Variants in TNC observed in about 807,000 individuals in gnomAD.
The protein encoded by TNC is tenascin C.
In TNC, 109 loss-of-function variants were observed where a neutral mutation model predicts 202.4. That is an observed-to-expected ratio of 0.54 (90% CI 0.46 to 0.63). The LOEUF is 0.63. Among genes scored for constraint, TNC ranks in the 30% least tolerant of loss-of-function variants. The probability of loss-of-function intolerance (pLI) is 0.00; values close to 1 mark genes in which losing one functional copy is unlikely to be tolerated. For synonymous variants in TNC, 1,007 were observed against 1,089.7 expected (o/e 0.92, Z 1.50); for missense variants, 2,756 against 2,833.3 (o/e 0.97, Z 0.62).
rs756967021 is a variant in TNC, at chr9:115,085,957, G to T, written c.1774C>A (p.His592Asn). Reference protein sequence around the residue: ...EGFTGLDCGQHSCPSDCNNLG... With the variant: ...EGFTGLDCGQNSCPSDCNNLG... ...TTGTTGCAGTCACTGGGGCAGGAGT[G>T]CTGGCCACAGTCCAGGCCTGTGAAG... The change falls in exon 3 of 28, where the codon CAC (histidine) becomes AAC (asparagine). Residue 592 changes from histidine to asparagine, a missense_variant. This residue lies in a region of TNC where 2,559 missense variants were observed against 2,546.0 expected (regional missense o/e 1.01). Transcript: ENST00000350763. 1 of 1,613,984 alleles carries T rather than the reference G, an allele frequency of 6.2e-7. No homozygotes were observed. The highest frequency in any genetic ancestry group is 1.7e-5 in the Admixed American group (1 of 60,014).
chr9:115,110,417 GGTTGCTGGGGGCCAGTGGGAAAGCT>G (rs141013456), intron 1 of TNC, among the ~76,000 whole-genome samples: 2,228 of 152,146 alleles, frequency 0.015, 48 homozygotes, highest in African/African-American at 0.051. Context: ...GGGAAGGCTG[GGTTGCTGGGGGCCAGTGGGAAAGCT>G]GTTGCAGTGG....
intron 18 of TNC, 146 bp from the exon 19 acceptor site, chr9:115,041,230 C>A: frequency 1.0e-6 from 1 of 965,506 alleles, no homozygotes; most frequent in Non-Finnish European, 1.5e-6. Context: ...TGCTCCTACC[C>A]TCTGGCATAA....
chr9:115,061,966 T>C (rs1832577943), intron 13 of TNC, among the ~76,000 whole-genome samples: 1 of 152,212 alleles, frequency 6.6e-6, no homozygotes, highest in African/African-American at 2.4e-5. Flanking sequence ...GAGTCCTAGA[T>C]AGTTTCAGCA....
intron 1 of TNC, among the ~76,000 whole-genome samples, chr9:115,113,807 G>A (rs191355238): frequency 5.9e-5 from 9 of 152,268 alleles, no homozygotes; most frequent in Admixed American, 5.2e-4. Context: ...TTCCGTTCGC[G>A]ATCTGCTTTT....
chr9:115,031,179 G>T (rs144427412), intron 23 of TNC, among the ~76,000 whole-genome samples: 2 of 152,310 alleles, frequency 1.3e-5, no homozygotes, highest in East Asian at 3.9e-4. Flanking sequence ...AATTATATGG[G>T]CCACATACTG....
rs149828764 is a variant in TNC, at chr9:115,046,564, G to T, written c.4971C>A (p.Thr1657=). ...TTTCCAGTGGCTCAGACTGCTTTTTGGTATCTCTGATTTTGAGAACAAAAT... is the reference window on the plus strand; with the variant it reads ...TTTCCAGTGGCTCAGACTGCTTTTTTGTATCTCTGATTTTGAGAACAAAAT... The part of the protein sequence containing the change: ...FDNFVLKIRD[T]KKQSEPLEIT... The change falls in exon 17 of 28, where the codon ACC becomes ACA. Residue 1657 remains threonine (T), a synonymous_variant. Transcript: ENST00000350763. The T allele has an allele frequency of 1.4e-4, 223 of 1,613,912 alleles. No homozygotes were observed. The highest frequency in any genetic ancestry group is 1.8e-4 in the Non-Finnish European group (213 of 1,179,996).
At chr9:115,085,035 T>C (rs1177811039) in intron 3 of TNC, among the ~76,000 whole-genome samples, 1 of 152,134 alleles carries the variant, frequency 6.6e-6, no homozygotes, top group Non-Finnish European at 1.5e-5. Context: ...TAGATACCAA[T>C]AACTTTAGTA....
intron 9 of TNC, among the ~76,000 whole-genome samples, chr9:115,075,098 A>G (rs1833741630): frequency 6.6e-6 from 1 of 152,126 alleles, no homozygotes; most frequent in South Asian, 2.1e-4. Context: ...CTCTTTACAC[A>G]CTAGCCTCCT....
At chr9:115,112,707 T>C (rs534456630) in intron 1 of TNC, 1 of 152,592 alleles carries the variant, frequency 6.6e-6, no homozygotes, top group South Asian at 2.1e-4. Flanking sequence ...GTGCTAATGG[T>C]GCGTCTGCCC....
intron 26 of TNC, 99 bp from the exon 27 acceptor site, chr9:115,024,235 G>C: frequency 7.7e-7 from 1 of 1,291,438 alleles, no homozygotes; most frequent in Non-Finnish European, 1.1e-6. Flanking sequence ...AAAGGTTCTG[G>C]GTGTGGGACT....
chr9:115,064,917 G>T lies in TNC; in HGVS notation c.3217C>A (p.Gln1073Lys), dbSNP rs201641513. Reference sequence around the variant, plus strand: ...GTGAGGTTTTCCAGCTCAGGGGCTTGTTCTGAATAATGACAGAGATGGGGT... The same window carrying T: ...GTGAGGTTTTCCAGCTCAGGGGCTTTTTCTGAATAATGACAGAGATGGGGT... The part of the protein sequence containing the change: ...KPARVKASTE[Q>K]APELENLTVT... Residue 1073 changes from glutamine to lysine, a missense_variant and splice_region_variant, in exon 11 of 28, where the codon CAA becomes AAA. Physicochemically the swap from Gln to Lys is moderately conservative, Grantham distance 53. Around this residue, in one of 2 missense-constraint regions of TNC, gnomAD observed 2,559 missense variants for 2,546.0 expected, o/e 1.01. Transcript: ENST00000350763. The T allele has an allele frequency of 6.7e-5, 108 of 1,612,756 alleles. No individual in the cohort carries two copies. The highest frequency in any genetic ancestry group is 4.9e-4 in the Middle Eastern group (3 of 6,062).
chr9:115,047,718 G>C (rs150073524), intron 16 of TNC, among the ~76,000 whole-genome samples: 13 of 152,258 alleles, frequency 8.5e-5, no homozygotes, highest in African/African-American at 3.1e-4. Flanking sequence ...GTTAATTTCT[G>C]TAGGAATCAT....
chr9:115,031,773 T>A, intron 22 of TNC, 88 bp from the exon 23 acceptor site: 1 of 1,511,684 alleles, frequency 6.6e-7, no homozygotes, highest in Non-Finnish European at 8.9e-7. Context: ...TAAGTTCATT[T>A]ACCCATCCAT....
intron 1 of TNC, among the ~76,000 whole-genome samples, chr9:115,096,570 T>C (rs1835810565): frequency 6.6e-6 from 1 of 152,206 alleles, no homozygotes; most frequent in African/African-American, 2.4e-5. Context: ...GTTTCAATGT[T>C]GTTAAGTTTC....
At chr9:115,073,547 G>A in intron 10 of TNC, 56 bp downstream of exon 10, 1 of 1,571,694 alleles carries the variant, frequency 6.4e-7, no homozygotes, top group Non-Finnish European at 8.7e-7. Flanking sequence ...TGGCTGAGGA[G>A]ATCTGCTAAC....
rs1755641 is a variant in TNC, at chr9:115,084,706, G to T, written c.1868-234C>A. Among the ~76,000 whole-genome samples the T allele has an allele frequency of 0.47, 71,834 of 151,600 alleles. 17,430 individuals are homozygous for T. The highest frequency in any genetic ancestry group is 0.57 in the African/African-American group (23,611 of 41,292). Reference sequence around the variant, plus strand: ...AGTCCCAGGTCAGCAGTGTGCCCTTGGGTGTTTCTGGCCTCTCCAACTTTC... The same window carrying T: ...AGTCCCAGGTCAGCAGTGTGCCCTTTGGTGTTTCTGGCCTCTCCAACTTTC... On this transcript the variant is annotated intron_variant, in intron 3 of 27. Coordinates refer to ENST00000350763, the MANE Select transcript of TNC (RefSeq NM_002160.4).
chr9:115,024,488 A>AAGT lies in TNC; in HGVS notation c.6332-353_6332-352insACT, dbSNP rs1416700675. ...ACAATGGAACCAGCACTTTGATTCT[A>AAGT]TATACTGAGTAGTGCCATTGTGACA... is the stretch of plus-strand genomic sequence containing the variant. On this transcript the variant is annotated intron_variant, in intron 26 of 27. Coordinates refer to ENST00000350763, the MANE Select transcript of TNC (RefSeq NM_002160.4). Among the ~76,000 whole-genome samples the AAGT allele has an allele frequency of 5.7e-4, 86 of 152,196 alleles. 1 individual carries two copies. The highest frequency in any genetic ancestry group is 1.3e-4 in the Non-Finnish European group (9 of 68,030).
chr9:115,086,457 C>T lies in TNC; in HGVS notation c.1274G>A (p.Cys425Tyr). The T allele has an allele frequency of 6.2e-7, 1 of 1,613,994 alleles. No homozygotes were observed. Among genetic ancestry groups the T allele is most frequent in the Middle Eastern group, 1.6e-4 (1 of 6,062 alleles). ...HGRCVNGQCV[C>Y]DEGYTGEDCS... ...GTCCTCCCCAGTATAGCCCTCATCACACACACACTGCCCATTGACACAGCG... is the reference window on the plus strand; with the variant it reads ...GTCCTCCCCAGTATAGCCCTCATCATACACACACTGCCCATTGACACAGCG... Residue 425 changes from cysteine to tyrosine, a missense_variant, in exon 3 of 28, where the codon TGT becomes TAT. By Grantham distance (194) the Cys-to-Tyr change is radical. Coordinates refer to ENST00000350763, the MANE Select transcript of TNC (RefSeq NM_002160.4).
At chr9:115,035,096 C>G (rs1003095087) in intron 22 of TNC, 108 bp downstream of exon 22, 70 of 1,323,996 alleles carry the variant, frequency 5.3e-5, no homozygotes, top group Non-Finnish European at 6.9e-5. Flanking sequence ...TTTTTCAGCT[C>G]CCCAGATGCA....
Sources: allele counts gnomAD v4.1 joint callset (sites outside exome capture counted in the v4.1 genomes callset), GRCh38; gene constraint gnomAD v4.1.1; regional missense constraint gnomAD v4.1.1; transcripts MANE v1.5; gene names NCBI Gene and HGNC (gene_info 2026-07-23, HGNC 2026-07-21).